Variants in SRPK2 observed in about 807,000 individuals in gnomAD.
SRPK2 encodes the protein SFRS protein kinase 2.
A neutral mutation model predicts 90.8 loss-of-function variants in SRPK2; 21 were observed. The observed-to-expected ratio is 0.23, with a 90% CI of 0.16 to 0.33. The LOEUF is 0.33. SRPK2 is among the 10% of genes least tolerant of loss of function. The pLI is 1.00. For missense variants in SRPK2, 620 were observed against 869.0 expected (o/e 0.71, Z 3.60); for synonymous variants, 288 against 311.1 (o/e 0.93, Z 0.78).
chr7:105,135,804 G>A (rs1018186786), intron 11 of SRPK2, among the ~76,000 whole-genome samples: 2 of 147,876 alleles, frequency 1.4e-5, no homozygotes, highest in East Asian at 2.0e-4. Flanking sequence ...TCACTCTGTC[G>A]CCTAGGCTGG....
chr7:105,145,274 A>G lies in SRPK2; in HGVS notation c.813+9T>C. ...TGGTGCATATAAAGTAATATGCGTA[A>G]GTACTTACAGGTTTCTGCTGTGGAG... On this transcript the variant is annotated intron_variant, in intron 9 of 15. Transcript: ENST00000393651. 6.3e-7 allele frequency: 1 copy of G among 1,589,872 alleles called. No homozygotes were observed. The highest frequency in any genetic ancestry group is 8.6e-7 in the Non-Finnish European group (1 of 1,168,304).
chr7:105,339,888 T>C (rs1815538098), intron 2 of SRPK2, among the ~76,000 whole-genome samples: 3 of 151,924 alleles, frequency 2.0e-5, no homozygotes, highest in Admixed American at 2.0e-4. Flanking sequence ...TGAAACCCCA[T>C]CTCTACTGAA....
chr7:105,123,131 C>G (rs1302199049), intron 15 of SRPK2, among the ~76,000 whole-genome samples: 1 of 152,136 alleles, frequency 6.6e-6, no homozygotes, highest in Non-Finnish European at 1.5e-5. Flanking sequence ...CCTATCAACA[C>G]AGTAGTTTCT....
intron 2 of SRPK2, among the ~76,000 whole-genome samples, chr7:105,235,899 T>A (rs1307943481): frequency 2.6e-5 from 4 of 151,402 alleles, no homozygotes; most frequent in African/African-American, 9.7e-5. Context: ...CTCCGGGGGA[T>A]AATTTCTTGG....
rs532960357 is a variant in SRPK2 at position 105,230,906 on chromosome 7, T to C, written c.72-27121A>G. 2.0e-5 allele frequency among the ~76,000 whole-genome samples: 3 copies of C among 152,334 alleles called. No individual in the cohort carries two copies. In the South Asian group the frequency reaches 6.2e-4, roughly 32 times the overall value. On this transcript the variant is annotated intron_variant, in intron 2 of 15. Transcript: ENST00000393651. ...GCCAACATATTGTTAATACTATAAA[T>C]GCAATATTCTTGAATTTATTACAAG...
intron 2 of SRPK2, among the ~76,000 whole-genome samples, chr7:105,284,617 T>C (rs897649460): frequency 1.3e-5 from 2 of 152,216 alleles, no homozygotes; most frequent in Non-Finnish European, 2.9e-5. Flanking sequence ...GGCTTGTCAA[T>C]TCACCACAAT....
chr7:105,216,017 G>A (rs1280043007), intron 2 of SRPK2, among the ~76,000 whole-genome samples: 1 of 147,472 alleles, frequency 6.8e-6, no homozygotes, highest in Non-Finnish European at 1.5e-5. Context: ...GATCACACCT[G>A]TAAATAGCCA....
chr7:105,229,383 G>C (rs942207006), intron 2 of SRPK2, among the ~76,000 whole-genome samples: 1 of 151,972 alleles, frequency 6.6e-6, no homozygotes, highest in Non-Finnish European at 1.5e-5. Context: ...AGAATGGCGT[G>C]AACCCGGGAG....
At chr7:105,237,689 G>C (rs1253450460) in intron 2 of SRPK2, among the ~76,000 whole-genome samples, 1 of 152,206 alleles carries the variant, frequency 6.6e-6, no homozygotes, top group Admixed American at 6.5e-5. Flanking sequence ...GATAAGCAGA[G>C]TTATCACAAA....
intron 3 of SRPK2, among the ~76,000 whole-genome samples, chr7:105,201,958 C>A (rs915321060): frequency 6.6e-6 from 1 of 152,142 alleles, no homozygotes; most frequent in South Asian, 2.1e-4. Flanking sequence ...GCAGAAAAAT[C>A]GAAGACAGTA....
At chr7:105,386,714 C>A (rs1009132724) in intron 2 of SRPK2, among the ~76,000 whole-genome samples, 2 of 152,090 alleles carry the variant, frequency 1.3e-5, no homozygotes, top group African/African-American at 4.8e-5. Flanking sequence ...CGAAACTCTG[C>A]CTCAAAAAAA....
intron 2 of SRPK2, among the ~76,000 whole-genome samples, chr7:105,221,001 TAGC>T (rs1317518877): frequency 2.0e-5 from 3 of 152,210 alleles, no homozygotes; most frequent in Admixed American, 1.3e-4. Flanking sequence ...CAAAAAATAT[TAGC>T]AGTATTTATT....
intron 2 of SRPK2, among the ~76,000 whole-genome samples, chr7:105,357,880 C>T (rs1817962256): frequency 6.6e-6 from 1 of 152,120 alleles, no homozygotes; most frequent in Non-Finnish European, 1.5e-5. Flanking sequence ...ACAACTGATC[C>T]TTGAACAACG....
At chr7:105,253,638 G>C (rs1802792618) in intron 2 of SRPK2, among the ~76,000 whole-genome samples, 1 of 152,032 alleles carries the variant, frequency 6.6e-6, no homozygotes, top group Non-Finnish European at 1.5e-5. Flanking sequence ...CTAGATCCAA[G>C]CCGTCCTGAG....
chr7:105,372,302 TTTTA>T (rs1312112889), intron 2 of SRPK2, among the ~76,000 whole-genome samples: 1 of 152,100 alleles, frequency 6.6e-6, no homozygotes, highest in African/African-American at 2.4e-5. Flanking sequence ...TAATGTAAAA[TTTTA>T]TTTGTGAATT....
chr7:105,139,955 C>T (rs74626089), intron 11 of SRPK2, among the ~76,000 whole-genome samples: 1 of 151,830 alleles, frequency 6.6e-6, no homozygotes, highest in Admixed American at 6.6e-5. Flanking sequence ...ATACCAAAAT[C>T]CACAGATGCT....
chr7:105,182,917 G>C (rs1793069819), intron 3 of SRPK2, among the ~76,000 whole-genome samples: 1 of 151,932 alleles, frequency 6.6e-6, no homozygotes, highest in African/African-American at 2.4e-5. Context: ...GAAGACAACT[G>C]TATAGGGGAA....
chr7:105,264,041 G>C (rs937374431), intron 2 of SRPK2, among the ~76,000 whole-genome samples: 2 of 152,142 alleles, frequency 1.3e-5, no homozygotes, highest in African/African-American at 4.8e-5. Flanking sequence ...GCAACGGGGG[G>C]AGAAAGGGAA....
chr7:105,301,667 C>T, intron 2 of SRPK2: 8 of 1,611,510 alleles, frequency 5.0e-6, no homozygotes, highest in Non-Finnish European at 6.8e-6. Flanking sequence ...ATAGAGATTT[C>T]CTGGACAGAA....
Sources: allele counts gnomAD v4.1 joint callset (sites outside exome capture counted in the v4.1 genomes callset), GRCh38; gene constraint gnomAD v4.1.1; transcripts MANE v1.5; gene names NCBI Gene and HGNC (gene_info 2026-07-23, HGNC 2026-07-21).